Variants in COL6A2 observed in about 807,000 individuals in gnomAD.
COL6A2 encodes collagen type VI alpha 2 chain.
Under a neutral mutation model 124.9 loss-of-function variants are expected in COL6A2, and 90 were observed. The observed-to-expected ratio is 0.72, with a 90% CI of 0.61 to 0.86. The LOEUF is 0.86. Ranked by LOEUF, COL6A2 falls within the 40% of genes least tolerant of loss-of-function variation. The probability of loss-of-function intolerance (pLI) is 0.00; values close to 1 mark genes in which losing one functional copy is unlikely to be tolerated. For missense variants in COL6A2, 1,607 were observed against 1,502.5 expected (o/e 1.07, Z -1.15); for synonymous variants, 793 against 618.2 (o/e 1.28, Z -4.19).
At chr21:46,130,649 T>A (rs2078748362) in intron 27 of COL6A2, among the ~76,000 whole-genome samples, 1 of 152,108 alleles carries the variant, frequency 6.6e-6, no homozygotes, top group Admixed American at 6.5e-5. Flanking sequence ...CAGACACTGA[T>A]GAATGGACAG....
At position 46,130,679 on chromosome 21, in the gene COL6A2, C is replaced by A. The variant is rs560761257; in HGVS notation, c.2462-1275C>A. Reference sequence around the variant, plus strand: ...GGACAGAGACCCCCAAAACCAGCTGCCCCTTGCATGTCTGTCTCCATATGT... The same window carrying A: ...GGACAGAGACCCCCAAAACCAGCTGACCCTTGCATGTCTGTCTCCATATGT... On this transcript the variant is annotated intron_variant, in intron 27 of 27. Transcript: ENST00000300527. 1.3e-5 allele frequency among the ~76,000 whole-genome samples: 2 copies of A among 152,314 alleles called. 1 individual carries two copies. The highest frequency in any genetic ancestry group is 3.9e-4 in the East Asian group (2 of 5,180).
rs76825716 is a variant in COL6A2 at position 46,119,151 on chromosome 21, C to T, written c.1269+32C>T. 0.017 allele frequency: 25,195 copies of T among 1,521,670 alleles called. 262 individuals are homozygous for T. The highest frequency in any genetic ancestry group is 0.029 in the African/African-American group (2,148 of 73,258). The allele number at this position is 1,521,670 out of a possible 1,614,324, so 94.3% of individuals were successfully genotyped here. A position where few individuals can be genotyped will look rare whatever the true frequency, so the allele number is the denominator to read the frequency against. ...CCCTCCTGCCCCTGCCTCAGGGCCC[C>T]GCTCTGGGCATCCTCCTTGCAGCTT... is the stretch of plus-strand genomic sequence containing the variant. On this transcript the variant is annotated intron_variant, in intron 14 of 27. Coordinates refer to ENST00000300527, the MANE Select transcript of COL6A2 (RefSeq NM_001849.4).
At chr21:46,125,702 C>CCCT in intron 25 of COL6A2, 83 bp from the exon 26 acceptor site, 1 of 1,593,216 alleles carries the variant, frequency 6.3e-7, no homozygotes, top group Non-Finnish European at 8.6e-7. Flanking sequence ...CCAGACGCGT[C>CCCT]CCTCCAACGA....
chr21:46,118,243 A>G (rs1375402919), intron 12 of COL6A2, among the ~76,000 whole-genome samples: 2 of 152,054 alleles, frequency 1.3e-5, no homozygotes, highest in African/African-American at 2.4e-5. Context: ...TTGGTGCCCC[A>G]GGGGCTCTGC....
At chr21:46,128,887 C>T in intron 27 of COL6A2, 1 of 1,605,892 alleles carries the variant, frequency 6.2e-7, no homozygotes, top group Non-Finnish European at 8.5e-7. Flanking sequence ...TGGAGTTTGG[C>T]CTGTCTCCGG....
intron 10 of COL6A2, among the ~76,000 whole-genome samples, 197 bp downstream of exon 10, chr21:46,117,011 A>G (rs573682952): frequency 5.5e-4 from 84 of 152,154 alleles, no homozygotes; most frequent in African/African-American, 1.9e-3. Flanking sequence ...ACCAGCCTGC[A>G]TCTAATTCAT....
At chr21:46,131,530 G>A (rs888651895) in intron 27 of COL6A2, among the ~76,000 whole-genome samples, 1 of 152,230 alleles carries the variant, frequency 6.6e-6, no homozygotes, top group African/African-American at 2.4e-5. Flanking sequence ...AGCGATTGAG[G>A]GGTCAGGCTG....
At chr21:46,115,039 C>T (rs1255111636) in intron 5 of COL6A2, among the ~76,000 whole-genome samples, 1 of 152,254 alleles carries the variant, frequency 6.6e-6, no homozygotes, top group Admixed American at 6.5e-5. Flanking sequence ...TCAAATCCTG[C>T]CATCTCCCTC....
chr21:46,119,272 G>A (rs1204287504), intron 14 of COL6A2, among the ~76,000 whole-genome samples, 153 bp downstream of exon 14: 1 of 152,142 alleles, frequency 6.6e-6, no homozygotes. Flanking sequence ...AGTGGACCCG[G>A]ACCACCCCAC....
intron 27 of COL6A2, among the ~76,000 whole-genome samples, chr21:46,127,575 C>T (rs540705486): frequency 1.6e-4 from 24 of 152,294 alleles, no homozygotes; most frequent in African/African-American, 5.1e-4. Flanking sequence ...CCCCCAGGGT[C>T]CACATCAGCA....
chr21:46,132,822 C>A lies in COL6A2; in HGVS notation c.*270C>A, dbSNP rs534040959. The A allele has an allele frequency of 3.6e-6, 2 of 560,642 alleles. No homozygotes were observed. Among genetic ancestry groups the A allele is most frequent in the East Asian group, 6.0e-5 (2 of 33,222 alleles). 34.7% of individuals were successfully genotyped at this position (560,642 alleles called of 1,614,324 possible). A position where few individuals can be genotyped will look rare whatever the true frequency, so the allele number is the denominator to read the frequency against. ...CTGGCCCCTGAGCTCTGGAGCAAGC[C>A]CTGACCCAATAAAGGCTTTGAACCC... On this transcript the variant is annotated 3_prime_UTR_variant, in exon 28 of 28. Coordinates refer to ENST00000300527, the MANE Select transcript of COL6A2 (RefSeq NM_001849.4).
At chr21:46,129,392 G>A (rs367635678) in intron 27 of COL6A2, 22 of 1,612,902 alleles carry the variant, frequency 1.4e-5, no homozygotes, top group Admixed American at 8.3e-5. Context: ...TCGCCACCGG[G>A]GTAGAGCGGC....
chr21:46,118,045 C>A, intron 12 of COL6A2, 109 bp downstream of exon 12: 1 of 1,067,480 alleles, frequency 9.4e-7, no homozygotes, highest in Admixed American at 2.3e-5. Context: ...TCTGGAAACA[C>A]TGGTCAGTGA....
At chr21:46,105,886 G>C (rs895073051) in intron 1 of COL6A2, among the ~76,000 whole-genome samples, 1 of 152,172 alleles carries the variant, frequency 6.6e-6, no homozygotes, top group African/African-American at 2.4e-5. Flanking sequence ...AATTACTTTA[G>C]ATGTAAATGG....
intron 14 of COL6A2, 95 bp downstream of exon 14, chr21:46,119,214 C>A: frequency 2.1e-6 from 2 of 967,090 alleles, no homozygotes; most frequent in South Asian, 1.4e-5. Context: ...GGGCTGTAGG[C>A]AGGATCCCCT....
chr21:46,100,335 G>T (rs2078276038), intron 1 of COL6A2, among the ~76,000 whole-genome samples: 1 of 151,188 alleles, frequency 6.6e-6, no homozygotes, highest in Admixed American at 6.6e-5. Flanking sequence ...TTTGTTTGGG[G>T]TGTTTGGGGG....
At chr21:46,114,220 A>T (rs1173401002) in intron 5 of COL6A2, 147 bp downstream of exon 5, 6 of 704,562 alleles carry the variant, frequency 8.5e-6, no homozygotes, top group African/African-American at 5.3e-5. Flanking sequence ...ACGTCAGGAG[A>T]TCGAGACCAT....
chr21:46,112,471 A>G lies in COL6A2; in HGVS notation c.608A>G (p.Asp203Gly), dbSNP rs771962457. Residue 203 changes from aspartate to glycine, a missense_variant, in exon 3 of 28, where the codon GAC becomes GGC. Physicochemically the swap from Asp to Gly is moderately conservative, Grantham distance 94 (BLOSUM62 -1). Around this residue, in one of 3 missense-constraint regions of COL6A2, gnomAD observed 342 missense variants for 381.5 expected, o/e 0.90. Transcript: ENST00000300527. Reference sequence around the variant, plus strand: ...AACCTGAAGGAGCAGGGCCTGCGGGACATCGCCAGCACGCCGCACGAGCTC... The same window carrying G: ...AACCTGAAGGAGCAGGGCCTGCGGGGCATCGCCAGCACGCCGCACGAGCTC... ...NQNLKEQGLR[D>G]IASTPHELYR... 6.2e-7 allele frequency: 1 copy of G among 1,610,840 alleles called. No homozygotes were observed. The highest frequency in any genetic ancestry group is 1.1e-5 in the South Asian group (1 of 91,048).
At chr21:46,117,265 A>G (rs567238980) in intron 10 of COL6A2, 135 bp from the exon 11 acceptor site, 2 of 873,424 alleles carry the variant, frequency 2.3e-6, no homozygotes, top group Admixed American at 4.3e-5. Context: ...CCGTGGCCTC[A>G]TGTGGGCACC....
Sources: gnomAD v4.1 joint callset for allele counts (sites outside exome capture counted in the v4.1 genomes callset) on GRCh38, gnomAD v4.1.1 for gene constraint, gnomAD v4.1.1 regional missense constraint, MANE v1.5 for transcripts, NCBI Gene and HGNC (gene_info 2026-07-23, HGNC 2026-07-21) for gene names.